NOTCH3: variants seen among roughly 807,000 people sequenced by gnomAD.
NOTCH3 encodes neurogenic locus notch homolog protein 3.
A neutral mutation model predicts 213.3 loss-of-function variants in NOTCH3; 86 were observed. That is an observed-to-expected ratio of 0.40 (90% CI 0.34 to 0.48). NOTCH3 has a LOEUF of 0.48. NOTCH3 is among the 20% of genes least tolerant of loss of function. NOTCH3 has a pLI of 0.57. For synonymous variants in NOTCH3, 1,354 were observed against 1,355.9 expected (o/e 1.00, Z 0.03); for missense variants, 2,783 against 3,272.6 (o/e 0.85, Z 3.65).
At chr19:15,191,327 C>T in intron 6 of NOTCH3, 97 bp downstream of exon 6, 1 of 1,136,002 alleles carries the variant, frequency 8.8e-7, no homozygotes, top group South Asian at 1.3e-5. Flanking sequence ...GCCACTGTGC[C>T]CAGCCTAGCA....
chr19:15,162,328 G>T, intron 32 of NOTCH3, 137 bp downstream of exon 32: 1 of 766,196 alleles, frequency 1.3e-6, no homozygotes, highest in Non-Finnish European at 2.2e-6. Flanking sequence ...AGTCACCAAA[G>T]TAAATTATAT....
At chr19:15,187,791 C>A in intron 10 of NOTCH3, 90 bp downstream of exon 10, 1 of 1,070,822 alleles carries the variant, frequency 9.3e-7, no homozygotes, top group Non-Finnish European at 1.4e-6. Flanking sequence ...TACAACCCCG[C>A]CCCCAAGCTC....
At chr19:15,179,548 C>T (rs1488158837) in intron 20 of NOTCH3, 52 bp from the exon 21 acceptor site, 1 of 1,599,118 alleles carries the variant, frequency 6.3e-7, no homozygotes, top group South Asian at 1.1e-5. Context: ...CACAGACCCA[C>T]CTGGACATAC....
Position 15,161,172 on chromosome 19 carries a change from G to C in NOTCH3, c.6456C>G (p.Pro2152=), listed in dbSNP as rs1306644397. ...CCAGGCTGAGTACACATCCTCCAGG[G>C]GGCTGGCGCCCTAGACCCGCCCGGC... ...GPGRAGLGRQ[P]PGGCVLSLGL... Residue 2152 remains proline, a synonymous_variant, in exon 33 of 33, where the codon CCC becomes CCG. Coordinates refer to ENST00000263388, the MANE Select transcript of NOTCH3 (RefSeq NM_000435.3). 1.9e-6 allele frequency: 3 copies of C among 1,539,230 alleles called. No individual in the cohort carries two copies. The highest frequency in any genetic ancestry group is 2.6e-6 in the Non-Finnish European group (3 of 1,148,736).
At position 15,178,089 on chromosome 19, in the gene NOTCH3, G is replaced by A; in HGVS notation, c.3839C>T (p.Pro1280Leu). Residue 1280 changes from proline to leucine, a missense_variant and splice_region_variant, in exon 24 of 33, where the codon CCG (proline) becomes CTG (leucine). Physicochemically the swap from Pro to Leu is moderately conservative, Grantham distance 98. Transcript: ENST00000263388. Reference sequence around the variant, plus strand: ...CCGCTCGCAACGCGGACCCCAGAACGGCTGGGGGTCGGGTTTGGGGAGGGA... The same window carrying A: ...CCGCTCGCAACGCGGACCCCAGAACAGCTGGGGGTCGGGTTTGGGGAGGGA... ...GLTFTCHCAQ[P>L]FWGPRCERVA... The A allele has an allele frequency of 6.6e-7, 1 of 1,518,354 alleles. No homozygotes were observed. Among genetic ancestry groups the A allele is most frequent in the Non-Finnish European group, 8.8e-7 (1 of 1,137,902 alleles). 94.1% of individuals were successfully genotyped at this position (1,518,354 alleles called of 1,614,324 possible). A position where few individuals can be genotyped will look rare whatever the true frequency, so the allele number is the denominator to read the frequency against.
intron 25 of NOTCH3, among the ~76,000 whole-genome samples, chr19:15,172,261 C>A (rs558605300): frequency 9.2e-5 from 14 of 152,234 alleles, no homozygotes; most frequent in African/African-American, 3.4e-4. Flanking sequence ...CAGATTAATT[C>A]TTCTGTTCCT....
Position 15,162,448 on chromosome 19 carries a change from C to G in NOTCH3, c.5913+17G>C, listed in dbSNP as rs2046652780. 6.3e-7 allele frequency: 1 copy of G among 1,595,826 alleles called. No homozygotes were observed. The highest frequency in any genetic ancestry group is 8.6e-7 in the Non-Finnish European group (1 of 1,164,618). On this transcript the variant is annotated intron_variant, in intron 32 of 32. Transcript: ENST00000263388. ...GTGCCACTGCTGACACCCAGTGGAC[C>G]AAGGGCTGGGGCTCACCTTGCTATC...
In NOTCH3 at chr19:15,185,454, G is replaced by C; in HGVS notation, c.2144+33C>G. 6.2e-7 allele frequency: 1 copy of C among 1,612,240 alleles called. No individual in the cohort carries two copies. On this transcript the variant is annotated intron_variant, in intron 13 of 32. Coordinates refer to ENST00000263388, the MANE Select transcript of NOTCH3 (RefSeq NM_000435.3). This position sits in a 1 kb window ranked among gnomAD's most constrained non-coding sequence, Gnocchi z 4.2. ...GGCCAGGGAGGTGGGCCAGGGAGAG[G>C]GGGCAGTGTCTGAGGCTGAGAAGGG...
chr19:15,194,957 CAAAA>C (rs35648748), intron 2 of NOTCH3, among the ~76,000 whole-genome samples: 3 of 119,412 alleles, frequency 2.5e-5, no homozygotes, highest in Non-Finnish European at 5.3e-5. Context: ...TACTCGATCT[CAAAA>C]AAAAAAAAAA....
intron 2 of NOTCH3, among the ~76,000 whole-genome samples, chr19:15,193,531 T>G (rs1277331865): frequency 6.6e-6 from 1 of 150,684 alleles, no homozygotes; most frequent in African/African-American, 2.4e-5. Flanking sequence ...CTTTGGGAGG[T>G]CAAGACAGGA....
At position 15,180,061 on chromosome 19, in the gene NOTCH3, C is replaced by G. The variant is rs777978969; in HGVS notation, c.3327+11G>C. The G allele has an allele frequency of 6.3e-7, 1 of 1,587,608 alleles. No individual in the cohort carries two copies. The highest frequency in any genetic ancestry group is 1.1e-5 in the South Asian group (1 of 90,480). ...ACCTCCTCTTCCCTCTCCTGGGGAGCGCCCCCTTACCTCACACATGTAGCC... is the reference window on the plus strand; with the variant it reads ...ACCTCCTCTTCCCTCTCCTGGGGAGGGCCCCCTTACCTCACACATGTAGCC... On this transcript the variant is annotated intron_variant, in intron 20 of 32. Transcript: ENST00000263388.
In NOTCH3 at chr19:15,160,426, C is replaced by T. The variant is rs2046630331; in HGVS notation, c.*236G>A. ...GAGAGAAGTGGGGAAGAAGGAGGTC[C>T]CAGACTCTTCACAAGACTGAGAGGG... On this transcript the variant is annotated 3_prime_UTR_variant, in exon 33 of 33. Coordinates refer to ENST00000263388, the MANE Select transcript of NOTCH3 (RefSeq NM_000435.3). 1.7e-6 allele frequency: 1 copy of T among 576,898 alleles called. No individual in the cohort carries two copies. The highest frequency in any genetic ancestry group is 3.0e-5 in the Admixed American group (1 of 33,328). The allele number at this position is 576,898 out of a possible 1,614,324, so 35.7% of individuals were successfully genotyped here. A position where few individuals can be genotyped will look rare whatever the true frequency, so the allele number is the denominator to read the frequency against.
chr19:15,184,181 G>A (rs1007824488), intron 16 of NOTCH3, 114 bp downstream of exon 16: 27 of 1,124,006 alleles, frequency 2.4e-5, no homozygotes, highest in Non-Finnish European at 2.9e-5. Flanking sequence ...TAAATAAAAC[G>A]GGAAAAGTAA....
At position 15,197,562 on chromosome 19, in the gene NOTCH3, G is replaced by A. The variant is rs370177269; in HGVS notation, c.135C>T (p.Asp45=). The A allele has an allele frequency of 5.3e-5, 86 of 1,611,206 alleles. No homozygotes were observed. In the Admixed American group the frequency reaches 7.5e-4, roughly 14 times the overall value. ...GACCTCCATTTGCACACGGGCTTCC[G>A]TCCAGGCAAGGGGGGGCTGTGTGGG... ...GPGAAAPPCL[D]GSPCANGGRC... is the part of the protein sequence containing the mutation. The change falls in exon 2 of 33, where the codon GAC becomes GAT. Residue 45 remains aspartate, a synonymous_variant. Transcript: ENST00000263388.
At position 15,197,506 on chromosome 19, in the gene NOTCH3, G is replaced by T. The variant is rs148932488; in HGVS notation, c.191C>A (p.Ala64Asp). 64 of 1,606,010 alleles carry T rather than the reference G, an allele frequency of 4.0e-5. No homozygotes were observed. The African/African-American group carries it at 7.9e-4, about 20-fold the overall frequency. ...CTCTGAGCCAGGCACTCACAGGCAG[G>T]CAGCCTCCCGGGAGGGCAGCTGGGT... ...RCTQLPSREA[A>D]CLCPPGWVGE... is the part of the protein sequence containing the mutation. The change falls in exon 2 of 33, where the codon GCC (alanine) becomes GAC (aspartate). Residue 64 changes from alanine (A) to aspartate (D), a missense_variant. By Grantham distance (126) the Ala-to-Asp change is moderately radical (BLOSUM62 -2). This residue lies in a region of NOTCH3 where 708 missense variants were observed against 906.6 expected (regional missense o/e 0.78). Transcript: ENST00000263388.
rs1039311002 is a variant in NOTCH3, at chr19:15,165,258, C to T, written c.5815+110G>A. On this transcript the variant is annotated intron_variant, in intron 31 of 32. Coordinates refer to ENST00000263388, the MANE Select transcript of NOTCH3 (RefSeq NM_000435.3). This position sits in a 1 kb window ranked among gnomAD's most constrained non-coding sequence, Gnocchi z 4.7. ...GCTTCATGAAGCCTGGTTATGTGTG[C>T]GTGAGCTTCAGTGATTGGGTCTCAA... is the stretch of plus-strand genomic sequence containing the variant. The T allele has an allele frequency of 1.6e-5, 18 of 1,149,928 alleles. No homozygotes were observed. Among genetic ancestry groups the T allele is most frequent in the Middle Eastern group, 1.9e-4 (1 of 5,240 alleles). The allele number at this position is 1,149,928 out of a possible 1,614,324, so 71.2% of individuals were successfully genotyped here. A position where few individuals can be genotyped will look rare whatever the true frequency, so the allele number is the denominator to read the frequency against.
chr19:15,191,086 T>C (rs1471801395), intron 6 of NOTCH3, among the ~76,000 whole-genome samples: 1 of 150,030 alleles, frequency 6.7e-6, no homozygotes, highest in Non-Finnish European at 1.5e-5. Flanking sequence ...CAGGCTAGAG[T>C]GCAGTGGTGC....
In NOTCH3 at chr19:15,174,081, G is replaced by A; in HGVS notation, c.4723C>T (p.Pro1575Ser). 4.4e-6 allele frequency: 7 copies of A among 1,582,346 alleles called. No homozygotes were observed. The highest frequency in any genetic ancestry group is 6.0e-6 in the Non-Finnish European group (7 of 1,160,274). The change falls in exon 25 of 33, where the codon CCC becomes TCC. Residue 1575 changes from proline to serine, a missense_variant. Pro to Ser is a moderately conservative substitution (Grantham distance 74, BLOSUM62 -1). Coordinates refer to ENST00000263388, the MANE Select transcript of NOTCH3 (RefSeq NM_000435.3). The part of the protein sequence containing the change: ...SEPRARRELA[P>S]EVIGSVVMLE... ...GGGGTCACTCACCCGATCACCTCGG[G>A]GGCCAGCTCCCGACGGGCCCGGGGT...
In NOTCH3 at chr19:15,161,515, C is replaced by T. The variant is rs545621067; in HGVS notation, c.6113G>A (p.Gly2038Asp). Reference protein sequence around the residue: ...SGPRSPPGPHGLGPLLCPPGA... With the variant: ...SGPRSPPGPHDLGPLLCPPGA... The stretch of plus-strand genomic sequence containing the variant: ...TGGAGGACAGAGCAGAGGCCCCAGG[C>T]CGTGGGGACCGGGGGGGCTGCGGGG... Residue 2038 changes from glycine (G) to aspartate (D), a missense_variant, in exon 33 of 33, where the codon GGC becomes GAC. Transcript: ENST00000263388. 18 of 1,595,186 alleles carry T rather than the reference C, an allele frequency of 1.1e-5. No individual in the cohort carries two copies. In the Admixed American group the frequency reaches 3.0e-4, roughly 26 times the overall value.
Sources: gnomAD v4.1 joint callset for allele counts (sites outside exome capture counted in the v4.1 genomes callset) on GRCh38, gnomAD v4.1.1 for gene constraint, gnomAD v4.1.1 regional missense constraint, Gnocchi (gnomAD v3.1) non-coding constraint, MANE v1.5 for transcripts, NCBI Gene and HGNC (gene_info 2026-07-23, HGNC 2026-07-21) for gene names.